The following CPPED1 variants were observed in gnomAD, a reference collection of about 807,000 sequenced individuals.
CPPED1 encodes the protein serine/threonine-protein phosphatase CPPED1.
In CPPED1, 28 loss-of-function variants were observed where a neutral mutation model predicts 28.0. That is an observed-to-expected ratio of 1.00 (90% CI 0.74 to 1.37). The LOEUF (loss-of-function observed/expected upper bound fraction) is 1.37. Among genes scored for constraint, CPPED1 ranks in the 40% most tolerant of loss-of-function variants. The probability of loss-of-function intolerance (pLI) is 0.00; values close to 1 mark genes in which losing one functional copy is unlikely to be tolerated. For synonymous variants in CPPED1, 198 were observed against 180.2 expected, an observed-to-expected ratio of 1.10 and a Z score of -0.79; for missense variants, 504 against 416.5, an observed-to-expected ratio of 1.21 and a Z score of -1.83.
intron 1 of CPPED1, among the ~76,000 whole-genome samples, chr16:12,800,790 C>G (rs1423627030): frequency 6.6e-6 from 1 of 152,116 alleles, no homozygotes; most frequent in East Asian, 1.9e-4. Context: ...CTGCCATGTC[C>G]TAGGACTCTC....
intron 2 of CPPED1, among the ~76,000 whole-genome samples, chr16:12,748,956 T>TA (rs35514566): frequency 0.088 from 12,954 of 146,518 alleles, 1,080 homozygotes; most frequent in African/African-American, 0.22. Context: ...ACTTTATTGC[T>TA]AAAAAAAAAA....
chr16:12,712,283 G>T (rs1243862470), intron 2 of CPPED1, among the ~76,000 whole-genome samples: 1 of 152,164 alleles, frequency 6.6e-6, no homozygotes, highest in Non-Finnish European at 1.5e-5. Flanking sequence ...CTGCAGGTTG[G>T]AAACGGAATA....
chr16:12,771,494 C>G (rs188214182), intron 2 of CPPED1, among the ~76,000 whole-genome samples: 1 of 152,204 alleles, frequency 6.6e-6, no homozygotes, highest in South Asian at 2.1e-4. Flanking sequence ...ACCCCCACTG[C>G]CCTTTAGGAA....
chr16:12,689,241 T>A (rs1272137237), intron 3 of CPPED1, among the ~76,000 whole-genome samples: 1 of 146,034 alleles, frequency 6.8e-6, no homozygotes, highest in Non-Finnish European at 1.5e-5. Flanking sequence ...TTTTTTTTTT[T>A]AAAGACACAG....
chr16:12,681,391 T>A (rs2079904140), intron 3 of CPPED1, among the ~76,000 whole-genome samples: 1 of 152,138 alleles, frequency 6.6e-6, no homozygotes, highest in Non-Finnish European at 1.5e-5. Flanking sequence ...CCTCACCAGA[T>A]ACAGCCCCTT....
chr16:12,759,541 T>C (rs912002167), intron 2 of CPPED1: 1 of 152,200 alleles, frequency 6.6e-6, no homozygotes, highest in African/African-American at 2.4e-5. Flanking sequence ...GTGAATATAT[T>C]CAAGGGGTGA....
At chr16:12,734,333 G>C (rs573224957) in intron 2 of CPPED1, among the ~76,000 whole-genome samples, 1 of 151,762 alleles carries the variant, frequency 6.6e-6, no homozygotes, top group Non-Finnish European at 1.5e-5. Context: ...GCCTCCTGAA[G>C]TGCTGGAATT....
intron 1 of CPPED1, among the ~76,000 whole-genome samples, chr16:12,798,516 A>G (rs1030271039): frequency 6.6e-6 from 1 of 152,208 alleles, no homozygotes; most frequent in Non-Finnish European, 1.5e-5. Flanking sequence ...TTTTACTGAC[A>G]CTATTCTCTG....
At chr16:12,706,644 A>G (rs1377063642) in intron 2 of CPPED1, among the ~76,000 whole-genome samples, 1 of 151,700 alleles carries the variant, frequency 6.6e-6, no homozygotes, top group African/African-American at 2.4e-5. Flanking sequence ...GGTGGCTGGA[A>G]TGAATGTTTG....
At chr16:12,769,653 C>T (rs776153099) in intron 2 of CPPED1, among the ~76,000 whole-genome samples, 1 of 152,128 alleles carries the variant, frequency 6.6e-6, no homozygotes, top group African/African-American at 2.4e-5. Flanking sequence ...ATGATTTCAC[C>T]GGGCTCATAC....
At chr16:12,703,008 G>T (rs1243203811) in intron 3 of CPPED1, among the ~76,000 whole-genome samples, 2 of 101,330 alleles carry the variant, frequency 2.0e-5, no homozygotes, top group Admixed American at 2.4e-4. Flanking sequence ...GCGGGACTCC[G>T]TCTCAAAAAA....
At chr16:12,684,232 T>C (rs1304213361) in intron 3 of CPPED1, among the ~76,000 whole-genome samples, 1 of 152,162 alleles carries the variant, frequency 6.6e-6, no homozygotes, top group Admixed American at 6.6e-5. Flanking sequence ...ATGCAAAACC[T>C]GGGCACAGTG....
rs900914216 is a variant in CPPED1, at chr16:12,766,539, C to T, written c.289+14646G>A. Among the ~76,000 whole-genome samples the T allele has an allele frequency of 3.6e-4, 55 of 152,024 alleles. 1 individual carries two copies. The highest frequency in any genetic ancestry group is 1.3e-3 in the African/African-American group (52 of 41,370). The stretch of plus-strand genomic sequence containing the variant: ...ACCACTCCCATAAGTCAATTATCTC[C>T]CACTGGGTCCCTCCCACAACACATG... On this transcript the variant is annotated intron_variant, in intron 2 of 3. Coordinates refer to ENST00000381774, the MANE Select transcript of CPPED1 (RefSeq NM_018340.3).
In CPPED1 at chr16:12,670,047, C is replaced by A. The variant is rs938461960; in HGVS notation, c.716-4932G>T. ...GGCACATTGACTCATGCCTGCAATC[C>A]CAGCACTTTGGGAGGCCAAGGTGAG... On this transcript the variant is annotated intron_variant, in intron 3 of 3. Transcript: ENST00000381774. This position sits in a 1 kb window ranked among gnomAD's most constrained non-coding sequence, Gnocchi z 4.2. Among the ~76,000 whole-genome samples, 1 of 152,142 alleles carries A rather than the reference C, an allele frequency of 6.6e-6. No homozygotes were observed. The highest frequency in any genetic ancestry group is 2.4e-5 in the African/African-American group (1 of 41,414).
intron 2 of CPPED1, among the ~76,000 whole-genome samples, chr16:12,740,044 G>T (rs1235623379): frequency 6.9e-6 from 1 of 145,216 alleles, no homozygotes; most frequent in Admixed American, 7.0e-5. Flanking sequence ...GAAAAGAAAA[G>T]AAAAGAAAAG....
intron 1 of CPPED1, among the ~76,000 whole-genome samples, chr16:12,800,999 T>A (rs12598821): frequency 3.5e-4 from 53 of 152,150 alleles, no homozygotes; most frequent in African/African-American, 1.3e-3. Context: ...TCTGAGAGCA[T>A]GTAACTTGAA....
chr16:12,698,992 A>C (rs1297791977), intron 3 of CPPED1, among the ~76,000 whole-genome samples: 2 of 152,208 alleles, frequency 1.3e-5, no homozygotes, highest in Non-Finnish European at 2.9e-5. Flanking sequence ...TGGTCAGTTA[A>C]AGATCTAGCT....
chr16:12,789,663 GCA>G (rs754885967), intron 1 of CPPED1, among the ~76,000 whole-genome samples: 24 of 152,144 alleles, frequency 1.6e-4, no homozygotes, highest in Admixed American at 2.6e-4. Context: ...GTCGACGGGA[GCA>G]CAGGTGCGCG....
chr16:12,755,816 G>C lies in CPPED1; in HGVS notation c.289+25369C>G, dbSNP rs147734583. ...AATTTGCATGGCAGGGGCGTGGTGG[G>C]GGCACTCTGCAAGATGCCTCAAAGA... is the stretch of plus-strand genomic sequence containing the variant. On this transcript the variant is annotated intron_variant, in intron 2 of 3. Coordinates refer to ENST00000381774, the MANE Select transcript of CPPED1 (RefSeq NM_018340.3). 5.7e-3 allele frequency among the ~76,000 whole-genome samples: 866 copies of C among 152,192 alleles called. 5 individuals carry two copies. Among genetic ancestry groups the C allele is most frequent in the Middle Eastern group, 0.027 (8 of 294 alleles).
Sources: allele counts gnomAD v4.1 joint callset (sites outside exome capture counted in the v4.1 genomes callset), GRCh38; gene constraint gnomAD v4.1.1; non-coding constraint Gnocchi (gnomAD v3.1); transcripts MANE v1.5; gene names NCBI Gene and HGNC (gene_info 2026-07-23, HGNC 2026-07-21).